Variants in USH2A observed in about 807,000 individuals in gnomAD.
The protein encoded by USH2A is usherin, also known as Usher syndrome 2A (autosomal recessive, mild).
In USH2A, 443 loss-of-function variants were observed where a neutral mutation model predicts 538.9. The ratio of observed to expected loss-of-function variants is 0.82; its 90% CI spans 0.76 to 0.89. The LOEUF (loss-of-function observed/expected upper bound fraction) is 0.89, where lower values mean the gene tolerates loss of function less well. Among genes scored for constraint, USH2A ranks in the 40% least tolerant of loss-of-function variants. USH2A has a pLI of 0.00. For synonymous variants in USH2A, 2,413 were observed against 2,273.5 expected, an observed-to-expected ratio of 1.06 and a Z score of -1.75; for missense variants, 6,633 against 6,324.8, an observed-to-expected ratio of 1.05 and a Z score of -1.65.
intron 58 of USH2A, among the ~76,000 whole-genome samples, chr1:215,751,292 G>T (rs1332083629): frequency 2.1e-5 from 3 of 143,028 alleles, no homozygotes; most frequent in African/African-American, 7.3e-5. Flanking sequence ...TTATTTATCA[G>T]TAGAATTCTT....
intron 49 of USH2A, among the ~76,000 whole-genome samples, chr1:215,805,007 C>A (rs541403078): frequency 6.6e-6 from 1 of 151,962 alleles, no homozygotes; most frequent in African/African-American, 2.4e-5. Flanking sequence ...AGCTGGAAAC[C>A]GTCATTCTCG....
In USH2A at chr1:216,023,459, C is replaced by CAAAAAAAAAAAAAAAAAAAAAAAAA; in HGVS notation, c.6326-22898_6326-22897insTTTTTTTTTTTTTTTTTTTTTTTTT. ...CCTCTTAAAAACTGTTCAAAGCAGA[C>CAAAAAAAAAAAAAAAAAAAAAAAAA]AAAAAAAAAAAAAAAAAAAAAAATC... On this transcript the variant is annotated intron_variant, in intron 32 of 71. Coordinates refer to ENST00000307340, the MANE Select transcript of USH2A (RefSeq NM_206933.4). Among the ~76,000 whole-genome samples, 39 of 46,940 alleles carry CAAAAAAAAAAAAAAAAAAAAAAAAA rather than the reference C, an allele frequency of 8.3e-4. 1 individual carries two copies. Among genetic ancestry groups the CAAAAAAAAAAAAAAAAAAAAAAAAA allele is most frequent in the Non-Finnish European group, 1.2e-3 (31 of 26,612 alleles). 30.8% of individuals were successfully genotyped at this position (46,940 alleles called of 152,430 possible).
At position 216,073,127 on chromosome 1, in the gene USH2A, C is replaced by G. The variant is rs1371218025; in HGVS notation, c.5746G>C (p.Val1916Leu). ...ILVYQGKEQS[V>L]YEGGLQPFTE... ...AAAGGCTGGAGACCACCCTCGTAAACACTCTGCTCTTTTCCCTGGTAAACC... is the reference window on the plus strand; with the variant it reads ...AAAGGCTGGAGACCACCCTCGTAAAGACTCTGCTCTTTTCCCTGGTAAACC... The change falls in exon 28 of 72, where the codon GTT becomes CTT. Residue 1916 changes from valine (V) to leucine (L), a missense_variant. Transcript: ENST00000307340. 2 of 1,613,754 alleles carry G rather than the reference C, an allele frequency of 1.2e-6. No individual in the cohort carries two copies. The highest frequency in any genetic ancestry group is 1.7e-6 in the Non-Finnish European group (2 of 1,179,954).
At chr1:216,320,997 C>A (rs1425463391) in intron 9 of USH2A, among the ~76,000 whole-genome samples, 3 of 151,966 alleles carry the variant, frequency 2.0e-5, no homozygotes, top group African/African-American at 7.2e-5. Context: ...ATTTGCTTAG[C>A]TGATAAAAGC....
At chr1:215,647,789 C>G in intron 66 of USH2A, 59 bp from the exon 67 acceptor site, 1 of 1,576,914 alleles carries the variant, frequency 6.3e-7, no homozygotes, top group Non-Finnish European at 8.7e-7. Flanking sequence ...TTAACTCTCT[C>G]TTTTAAAACC....
intron 14 of USH2A, among the ~76,000 whole-genome samples, chr1:216,220,260 T>C (rs1284661666): frequency 2.0e-5 from 3 of 151,792 alleles, no homozygotes; most frequent in Non-Finnish European, 2.9e-5. Context: ...ATGGGTACTA[T>C]CAAATTGATT....
intron 11 of USH2A, among the ~76,000 whole-genome samples, chr1:216,285,239 C>A (rs927731043): frequency 3.8e-4 from 58 of 152,296 alleles, no homozygotes; most frequent in African/African-American, 1.4e-3. Flanking sequence ...GGCCCAGGGC[C>A]CCCCCACTGT....
intron 29 of USH2A, among the ~76,000 whole-genome samples, chr1:216,071,204 C>T (rs953514865): frequency 2.6e-5 from 4 of 152,070 alleles, no homozygotes; most frequent in Admixed American, 2.6e-4. Context: ...CTGGTTTTTC[C>T]ACATCAAATC....
chr1:216,382,703 T>C (rs924589697), intron 3 of USH2A, among the ~76,000 whole-genome samples: 6 of 152,074 alleles, frequency 3.9e-5, no homozygotes, highest in Admixed American at 6.5e-5. Context: ...GAAAAGTGCA[T>C]AGTGTTAAGC....
chr1:216,302,964 G>A (rs1305298953), intron 9 of USH2A, among the ~76,000 whole-genome samples: 1 of 151,938 alleles, frequency 6.6e-6, no homozygotes, highest in Non-Finnish European at 1.5e-5. Context: ...AAGTAATTAT[G>A]TCTAGTGGTT....
intron 37 of USH2A, among the ~76,000 whole-genome samples, chr1:215,945,925 T>C (rs1463304792): frequency 2.0e-5 from 3 of 152,182 alleles, no homozygotes; most frequent in Admixed American, 2.0e-4. Flanking sequence ...AATCCTTTTG[T>C]GAGTGTAATG....
chr1:216,251,471 G>C (rs1480660341), intron 11 of USH2A, among the ~76,000 whole-genome samples: 1 of 33,882 alleles, frequency 3.0e-5, no homozygotes, highest in South Asian at 9.9e-4. Context: ...TTTTTTTTGA[G>C]ATGGAGTCTC....
In USH2A at chr1:215,640,552, A is replaced by G. The variant is rs1331215763; in HGVS notation, c.14968+6T>C. 6.2e-7 allele frequency: 1 copy of G among 1,613,328 alleles called. No individual in the cohort carries two copies. The highest frequency in any genetic ancestry group is 8.5e-7 in the Non-Finnish European group (1 of 1,179,904). The stretch of plus-strand genomic sequence containing the variant: ...CCACACTGAGAAACAGGAGTCAGAA[A>G]CTAACTTTTGTCCGCCGTTCTCGGT... On this transcript the variant is annotated splice_donor_region_variant and intron_variant, in intron 68 of 71. Transcript: ENST00000307340.
At chr1:216,322,540 G>A (rs927423910) in intron 8 of USH2A, among the ~76,000 whole-genome samples, 2 of 149,314 alleles carry the variant, frequency 1.3e-5, no homozygotes, top group African/African-American at 4.9e-5. Flanking sequence ...CCCAGAAGTC[G>A]AGGTTGCAAC....
At chr1:216,098,044 T>C (rs1031654896) in intron 21 of USH2A, among the ~76,000 whole-genome samples, 7 of 150,674 alleles carry the variant, frequency 4.6e-5, no homozygotes, top group Non-Finnish European at 8.9e-5. Context: ...TCCAGTCCTA[T>C]GAATGATGCC....
chr1:216,101,783 C>T (rs2102577098), intron 21 of USH2A, among the ~76,000 whole-genome samples: 1 of 152,282 alleles, frequency 6.6e-6, no homozygotes, highest in African/African-American at 2.4e-5. Flanking sequence ...GCATTTCATG[C>T]ATCTCTATAT....
chr1:216,305,500 C>T (rs1380940754), intron 9 of USH2A, among the ~76,000 whole-genome samples: 3 of 151,970 alleles, frequency 2.0e-5, no homozygotes, highest in African/African-American at 7.2e-5. Flanking sequence ...GCATTTAGGC[C>T]ATTTACATTC....
chr1:216,283,365 C>T (rs971291997), intron 11 of USH2A, among the ~76,000 whole-genome samples: 1 of 152,212 alleles, frequency 6.6e-6, no homozygotes, highest in Non-Finnish European at 1.5e-5. Flanking sequence ...GCTGGGATTA[C>T]AGGCATGAGC....
In USH2A at chr1:215,675,416, A is replaced by G. The variant is rs1425309353; in HGVS notation, c.12495T>C (p.Ser4165=). The G allele has an allele frequency of 6.2e-7, 1 of 1,614,168 alleles. No homozygotes were observed. The highest frequency in any genetic ancestry group is 1.1e-5 in the South Asian group (1 of 91,086). The change falls in exon 63 of 72, where the codon TCT becomes TCC. Residue 4165 remains serine, a synonymous_variant. Coordinates refer to ENST00000307340, the MANE Select transcript of USH2A (RefSeq NM_206933.4). ...PDSQLAPTVH[S]VKSTSVELSW... ...TCAGCTCAACACTGGTGGACTTCAC[A>G]GAGTGGACAGTAGGAGCCAGCTGAG...
Sources: gnomAD v4.1 joint callset for allele counts (sites outside exome capture counted in the v4.1 genomes callset) on GRCh38, gnomAD v4.1.1 for gene constraint, MANE v1.5 for transcripts, NCBI Gene and HGNC (gene_info 2026-07-23, HGNC 2026-07-21) for gene names.